The following NEXMIF variants were observed in gnomAD, a reference collection of about 807,000 sequenced individuals.
NEXMIF encodes neurite extension and migration factor.
In NEXMIF, 8 loss-of-function variants were observed where a neutral mutation model predicts 62.1. That is an observed-to-expected ratio of 0.13 (90% confidence interval 0.08 to 0.23). NEXMIF has a LOEUF of 0.23. Ranked by LOEUF, NEXMIF falls within the 10% of genes least tolerant of loss-of-function variation. The probability of loss-of-function intolerance (pLI) is 1.00; values close to 1 mark genes in which losing one functional copy is unlikely to be tolerated. For synonymous variants in NEXMIF, 404 were observed against 416.6 expected (o/e 0.97, Z 0.37); for missense variants, 976 against 1,113.3 (o/e 0.88, Z 1.75).
intron 1 of NEXMIF, among the ~76,000 whole-genome samples, chrX:74,919,622 CTTTT>C (rs746262061): frequency 9.1e-6 from 1 of 109,864 alleles, no homozygotes; most frequent in African/African-American, 3.3e-5. Flanking sequence ...TACACCTGTT[CTTTT>C]TTTTTATTAT....
chrX:74,758,056 C>G (rs2080164364), intron 1 of NEXMIF, among the ~76,000 whole-genome samples: 1 of 111,926 alleles, frequency 8.9e-6, no homozygotes, highest in African/African-American at 3.2e-5. Flanking sequence ...AATTCAACTA[C>G]TCCAGAAGGC....
rs2080082171 is a variant in NEXMIF at position 74,735,249 on chromosome X, G to A, written c.*4156C>T. 1 of 111,286 alleles carries A rather than the reference G, an allele frequency of 9.0e-6. No individual in the cohort carries two copies. The highest frequency in any genetic ancestry group is 3.3e-5 in the African/African-American group (1 of 30,553). The allele number at this position is 111,286 out of a possible 1,213,427, so 9.2% of individuals were successfully genotyped here. On this transcript the variant is annotated 3_prime_UTR_variant, in exon 4 of 4. Coordinates refer to ENST00000055682, the MANE Select transcript of NEXMIF (RefSeq NM_001008537.3). ...ATAAACATTTCTATTTCTAGCAATA[G>A]TTAGGACTAGCTAGTGCTCCATTCT...
At chrX:74,880,592 G>A (rs2080658974) in intron 1 of NEXMIF, among the ~76,000 whole-genome samples, 2 of 112,093 alleles carry the variant, frequency 1.8e-5, no homozygotes, top group Non-Finnish European at 1.9e-5. Context: ...CCCAGTCTTT[G>A]TTTCTACTCA....
intron 1 of NEXMIF, among the ~76,000 whole-genome samples, chrX:74,908,314 G>T (rs778004368): frequency 1.8e-5 from 2 of 112,253 alleles, no homozygotes; most frequent in Non-Finnish European, 3.8e-5. Context: ...GGATTCTTCA[G>T]TCTAATAAAC....
chrX:74,846,243 GAACA>G (rs1261533840), intron 1 of NEXMIF, among the ~76,000 whole-genome samples: 1 of 112,011 alleles, frequency 8.9e-6, no homozygotes, highest in Non-Finnish European at 1.9e-5. Context: ...CAGGAAGATA[GAACA>G]AATAATAAAA....
intron 1 of NEXMIF, among the ~76,000 whole-genome samples, chrX:74,857,818 C>A (rs1271057198): frequency 9.0e-6 from 1 of 111,652 alleles, no homozygotes; most frequent in Non-Finnish European, 1.9e-5. Flanking sequence ...CAGCATTTGC[C>A]ACAAGCTGAT....
chrX:74,770,735 T>A (rs1424556114), intron 1 of NEXMIF, among the ~76,000 whole-genome samples: 1 of 112,133 alleles, frequency 8.9e-6, no homozygotes. Context: ...CTATCAGTCA[T>A]AGCCCAATGG....
At chrX:74,846,807 T>G (rs1479855196) in intron 1 of NEXMIF, among the ~76,000 whole-genome samples, 2 of 112,220 alleles carry the variant, frequency 1.8e-5, no homozygotes, top group Non-Finnish European at 3.8e-5. Flanking sequence ...AATAGGTTTT[T>G]CTAACAGTAT....
chrX:74,770,002 T>A (rs2147454275), intron 1 of NEXMIF, among the ~76,000 whole-genome samples: 1 of 111,695 alleles, frequency 9.0e-6, no homozygotes, highest in African/African-American at 3.3e-5. Context: ...CAGGAGAAAT[T>A]GTGTAGGGAA....
intron 1 of NEXMIF, among the ~76,000 whole-genome samples, chrX:74,891,163 A>T (rs1418807473): frequency 2.7e-5 from 3 of 110,652 alleles, no homozygotes; most frequent in African/African-American, 9.9e-5. Context: ...CTTCCTTAAA[A>T]CTCTTGCTCC....
At chrX:74,787,439 G>A (rs1468618594) in intron 1 of NEXMIF, among the ~76,000 whole-genome samples, 1 of 111,436 alleles carries the variant, frequency 9.0e-6, no homozygotes, top group African/African-American at 3.3e-5. Context: ...GTTACTTTTT[G>A]GTCTGGGTTT....
chrX:74,887,441 A>G (rs1292513901), intron 1 of NEXMIF, among the ~76,000 whole-genome samples: 1 of 112,002 alleles, frequency 8.9e-6, no homozygotes, highest in African/African-American at 3.3e-5. Flanking sequence ...AATGAACTCA[A>G]ATTTACAAGA....
chrX:74,878,211 G>A (rs775146716), intron 1 of NEXMIF, among the ~76,000 whole-genome samples: 16 of 110,886 alleles, frequency 1.4e-4, no homozygotes, highest in East Asian at 2.8e-4. Flanking sequence ...TCTAACAGAC[G>A]GGACCCTCAG....
intron 1 of NEXMIF, among the ~76,000 whole-genome samples, chrX:74,853,373 C>A (rs1357315701): frequency 9.3e-6 from 1 of 107,963 alleles, no homozygotes; most frequent in Non-Finnish European, 1.9e-5. Flanking sequence ...TTTTATTATG[C>A]AAATGCGGCC....
chrX:74,906,168 G>A (rs1408920643), intron 1 of NEXMIF, among the ~76,000 whole-genome samples: 1 of 109,841 alleles, frequency 9.1e-6, no homozygotes, highest in Non-Finnish European at 1.9e-5. Context: ...AGCTACTTGG[G>A]AGGCTGAGGC....
chrX:74,749,658 C>T (rs1323395098), intron 1 of NEXMIF, among the ~76,000 whole-genome samples: 1 of 110,821 alleles, frequency 9.0e-6, no homozygotes, highest in Non-Finnish European at 1.9e-5. Context: ...TGTACTCTTC[C>T]CTTCTCAGTT....
chrX:74,885,603 G>C (rs6607495), intron 1 of NEXMIF, among the ~76,000 whole-genome samples: 14,306 of 110,880 alleles, frequency 0.13, 1,572 homozygotes, highest in East Asian at 0.91. Flanking sequence ...CCAGGAAGAA[G>C]TTGAATCTCT....
chrX:74,837,906 G>T (rs2080462391), intron 1 of NEXMIF, among the ~76,000 whole-genome samples: 2 of 111,882 alleles, frequency 1.8e-5, no homozygotes, highest in East Asian at 2.8e-4. Context: ...TATTTAAACG[G>T]CATAGCAGTT....
chrX:74,796,210 T>TATATATATATACATATATAAC (rs2080309166), intron 1 of NEXMIF, among the ~76,000 whole-genome samples: 1 of 22,193 alleles, frequency 4.5e-5, no homozygotes, highest in South Asian at 1.3e-3. Context: ...ACATATATAT[T>TATATATATATACATATATAAC]ATATATATAT....
Sources: allele counts gnomAD v4.1 joint callset (sites outside exome capture counted in the v4.1 genomes callset), GRCh38; gene constraint gnomAD v4.1.1; transcripts MANE v1.5; gene names NCBI Gene and HGNC (gene_info 2026-07-23, HGNC 2026-07-21).